SCAPER: variants seen among roughly 807,000 people sequenced by gnomAD.
The protein encoded by SCAPER is S phase cyclin A-associated protein in the endoplasmic reticulum.
A neutral mutation model predicts 182.2 loss-of-function variants in SCAPER; 98 were observed. That is an observed-to-expected ratio of 0.54 (90% CI 0.46 to 0.64). The LOEUF is 0.64. Among genes scored for constraint, SCAPER ranks in the 30% least tolerant of loss-of-function variants. The probability of loss-of-function intolerance (pLI) is 0.00; values close to 1 mark genes in which losing one functional copy is unlikely to be tolerated. For synonymous variants in SCAPER, 605 were observed against 564.6 expected, an observed-to-expected ratio of 1.07 and a Z score of -1.01; for missense variants, 1,432 against 1,690.0, an observed-to-expected ratio of 0.85 and a Z score of 2.68.
chr15:76,815,432 C>T (rs1174677665), intron 5 of SCAPER, among the ~76,000 whole-genome samples: 3 of 152,274 alleles, frequency 2.0e-5, no homozygotes, highest in East Asian at 3.9e-4. Flanking sequence ...TACAGTCAAG[C>T]ATCACTTAAC....
intron 14 of SCAPER, among the ~76,000 whole-genome samples, chr15:76,761,152 A>C (rs1489303835): frequency 6.6e-6 from 1 of 152,082 alleles, no homozygotes; most frequent in East Asian, 1.9e-4. Flanking sequence ...AGAATTATTG[A>C]TAATAGTTCT....
intron 20 of SCAPER, among the ~76,000 whole-genome samples, chr15:76,696,752 A>G (rs1267628417): frequency 2.0e-5 from 3 of 152,228 alleles, no homozygotes; most frequent in African/African-American, 7.2e-5. Flanking sequence ...CAATGCATGT[A>G]AAAAGTTAAA....
At chr15:76,785,669 C>T (rs572589780) in intron 8 of SCAPER, among the ~76,000 whole-genome samples, 2 of 152,292 alleles carry the variant, frequency 1.3e-5, no homozygotes, top group African/African-American at 4.8e-5. Context: ...AAATGTGGCA[C>T]ATACACACCA....
chr15:76,581,861 C>G (rs1597495147), intron 22 of SCAPER, among the ~76,000 whole-genome samples: 1 of 152,172 alleles, frequency 6.6e-6, no homozygotes, highest in East Asian at 1.9e-4. Flanking sequence ...GCCAGGATTA[C>G]AGGTGTGAGC....
intron 2 of SCAPER, among the ~76,000 whole-genome samples, chr15:76,881,001 C>T (rs2073497936): frequency 6.6e-6 from 1 of 152,164 alleles, no homozygotes; most frequent in Non-Finnish European, 1.5e-5. Context: ...ATGACAGTTC[C>T]TCCAAACATT....
rs73445337 is a variant in SCAPER at position 76,792,219 on chromosome 15, T to C, written c.772+3061A>G. 6.7e-3 allele frequency among the ~76,000 whole-genome samples: 1,014 copies of C among 152,242 alleles called. 12 individuals carry two copies. Among genetic ancestry groups the C allele is most frequent in the African/African-American group, 0.023 (968 of 41,558 alleles). On this transcript the variant is annotated intron_variant, in intron 8 of 31. Coordinates refer to ENST00000563290, the MANE Select transcript of SCAPER (RefSeq NM_020843.4). Reference sequence around the variant, plus strand: ...TATTGAGGACTTTCATCCTCACTTCTTCCTCCAGCCCTCTTCTCCCATTGA... The same window carrying C: ...TATTGAGGACTTTCATCCTCACTTCCTCCTCCAGCCCTCTTCTCCCATTGA...
intron 8 of SCAPER, among the ~76,000 whole-genome samples, chr15:76,781,258 C>A (rs781621682): frequency 6.6e-6 from 1 of 151,984 alleles, no homozygotes; most frequent in Admixed American, 6.6e-5. Context: ...GCTTCAATAG[C>A]GGATTCGATC....
chr15:76,740,589 T>C (rs533552087), intron 15 of SCAPER, among the ~76,000 whole-genome samples: 1 of 152,222 alleles, frequency 6.6e-6, no homozygotes, highest in African/African-American at 2.4e-5. Flanking sequence ...GAAGGAGAGA[T>C]ATTGTGAATC....
At chr15:76,773,875 GCTC>G (rs2063602116) in intron 9 of SCAPER, among the ~76,000 whole-genome samples, 1 of 151,750 alleles carries the variant, frequency 6.6e-6, no homozygotes, top group African/African-American at 2.4e-5. Context: ...TTAAAAAAAA[GCTC>G]CTATTTTTCA....
intron 17 of SCAPER, among the ~76,000 whole-genome samples, chr15:76,718,283 G>A (rs2059998562): frequency 6.6e-6 from 1 of 152,186 alleles, no homozygotes; most frequent in Non-Finnish European, 1.5e-5. Flanking sequence ...GCAGTTGTAA[G>A]AGGGAAGTTT....
chr15:76,483,499 T>C (rs1359483649), intron 24 of SCAPER, among the ~76,000 whole-genome samples: 8 of 151,998 alleles, frequency 5.3e-5, no homozygotes, highest in Non-Finnish European at 7.4e-5. Flanking sequence ...AATTGATAAG[T>C]TGGAATTCAT....
chr15:76,699,804 C>G (rs1373845641), intron 20 of SCAPER, among the ~76,000 whole-genome samples: 2 of 152,366 alleles, frequency 1.3e-5, no homozygotes, highest in Admixed American at 1.3e-4. Context: ...CACAGGCTAG[C>G]AGTCACAGGT....
At chr15:76,466,704 T>C (rs2049687917) in intron 25 of SCAPER, among the ~76,000 whole-genome samples, 1 of 150,830 alleles carries the variant, frequency 6.6e-6, no homozygotes, top group African/African-American at 2.4e-5. Flanking sequence ...AACTGGCTTT[T>C]GTAGTATGGA....
At chr15:76,500,171 A>G (rs901183299) in intron 24 of SCAPER, among the ~76,000 whole-genome samples, 12 of 152,202 alleles carry the variant, frequency 7.9e-5, no homozygotes, top group African/African-American at 2.9e-4. Context: ...CTGACACTAC[A>G]GCCTACACAT....
At chr15:76,850,040 T>A (rs2070566337) in intron 4 of SCAPER, among the ~76,000 whole-genome samples, 1 of 152,176 alleles carries the variant, frequency 6.6e-6, no homozygotes, top group Non-Finnish European at 1.5e-5. Flanking sequence ...TACCTCCACC[T>A]GGTCCCACCC....
intron 31 of SCAPER, 145 bp from the exon 32 acceptor site, chr15:76,348,881 G>A: frequency 1.8e-6 from 1 of 566,304 alleles, no homozygotes; most frequent in Non-Finnish European, 3.2e-6. Flanking sequence ...GGTAAATAAG[G>A]TGATTGATCT....
intron 4 of SCAPER, among the ~76,000 whole-genome samples, chr15:76,850,059 T>A (rs770846606): frequency 9.9e-5 from 15 of 152,126 alleles, no homozygotes; most frequent in Non-Finnish European, 1.6e-4. Context: ...CCTTGACACG[T>A]GGGGATTATG....
chr15:76,884,102 A>G (rs958933887), intron 1 of SCAPER, among the ~76,000 whole-genome samples: 15 of 152,216 alleles, frequency 9.9e-5, no homozygotes, highest in African/African-American at 3.6e-4. Flanking sequence ...AAGAAACAGT[A>G]TTAATTACAT....
intron 26 of SCAPER, among the ~76,000 whole-genome samples, chr15:76,418,052 C>G (rs2045779662): frequency 6.6e-6 from 1 of 152,056 alleles, no homozygotes; most frequent in Non-Finnish European, 1.5e-5. Flanking sequence ...TTAATGTGGT[C>G]AAGGAGTGTC....
Sources: allele counts gnomAD v4.1 joint callset (sites outside exome capture counted in the v4.1 genomes callset), GRCh38; gene constraint gnomAD v4.1.1; transcripts MANE v1.5; gene names NCBI Gene and HGNC (gene_info 2026-07-23, HGNC 2026-07-21).